MXRA8: variants seen among roughly 807,000 people sequenced by gnomAD.
MXRA8 encodes matrix remodeling-associated protein 8.
In MXRA8, 44 loss-of-function variants were observed where a neutral mutation model predicts 51.4. The observed-to-expected ratio is 0.86, with a 90% CI of 0.67 to 1.10. The LOEUF (loss-of-function observed/expected upper bound fraction) is 1.10, where lower values mean the gene tolerates loss of function less well. MXRA8 is among the 50% of genes least tolerant of loss of function. The pLI is 0.00. For missense variants in MXRA8, 765 were observed against 638.9 expected (o/e 1.20, Z -2.13); for synonymous variants, 369 against 293.5 (o/e 1.26, Z -2.63).
At chr1:1,361,009 G>A (rs982443527), upstream of MXRA8, among the ~76,000 whole-genome samples, 2 of 149,688 alleles carry the variant, frequency 1.3e-5, no homozygotes, top group African/African-American at 5.0e-5. Context: ...CACACGCGAA[G>A]ACACAGACAC....
At chr1:1,360,935 CAG>C (rs1433889854), upstream of MXRA8, among the ~76,000 whole-genome samples, 5 of 151,928 alleles carry the variant, frequency 3.3e-5, no homozygotes, top group Non-Finnish European at 7.4e-5. Flanking sequence ...CATGGAGACA[CAG>C]ACACGCATGC....
chr1:1,354,438 G>T lies in MXRA8; in HGVS notation c.1021C>A (p.Gln341Lys), dbSNP rs147789434. 18 of 1,612,376 alleles carry T rather than the reference G, an allele frequency of 1.1e-5. No homozygotes were observed. The African/African-American group carries it at 2.3e-4, about 20-fold the overall frequency. ...VPESRAHFFQ[Q>K]LGYVLATLLL... ...AGCGTGGCCAGCACGTAGCCCAGCT[G>T]CTGGAAGAAGTGGGCTCGGCTCTCG... Residue 341 changes from glutamine (Q) to lysine (K), a missense_variant, in exon 6 of 10, where the codon CAG (glutamine) becomes AAG (lysine). Coordinates refer to ENST00000309212, the MANE Select transcript of MXRA8 (RefSeq NM_032348.4).
In MXRA8 at chr1:1,355,702, C is replaced by G. The variant is rs948290437; in HGVS notation, c.124G>C (p.Val42Leu). 3.0e-6 allele frequency: 4 copies of G among 1,337,942 alleles called. No homozygotes were observed. The African/African-American group carries it at 4.6e-5, about 15-fold the overall frequency. 82.9% of individuals were successfully genotyped at this position (1,337,942 alleles called of 1,614,324 possible). A position where few individuals can be genotyped will look rare whatever the true frequency, so the allele number is the denominator to read the frequency against. The change falls in exon 3 of 10, where the codon GTG becomes CTG. Residue 42 changes from valine (V) to leucine (L), a missense_variant. Transcript: ENST00000309212. ...GCCCGGGCGCCCGCCTCCCAGCTCA[C>G]CGCGGACTCGGACACCACGGAGCTG... ...AGSSVVSESA[V>L]SWEAGARAVL...
rs781091097 is a variant in MXRA8 at position 1,353,838 on chromosome 1, C to T, written c.1303+10G>A. ...CTCTGAGATGGGCTGAGGTCGCCCCCGCCGCTCACCTTTGTCTAGGTCGAT... is the reference window on the plus strand; with the variant it reads ...CTCTGAGATGGGCTGAGGTCGCCCCTGCCGCTCACCTTTGTCTAGGTCGAT... On this transcript the variant is annotated intron_variant, in intron 9 of 9. Coordinates refer to ENST00000309212, the MANE Select transcript of MXRA8 (RefSeq NM_032348.4). 8 of 1,569,512 alleles carry T rather than the reference C, an allele frequency of 5.1e-6. No individual in the cohort carries two copies. The highest frequency in any genetic ancestry group is 6.9e-6 in the Non-Finnish European group (8 of 1,156,686).
Position 1,354,758 on chromosome 1 carries a change from G to T in MXRA8, c.873C>A (p.Val291=). The T allele has an allele frequency of 6.2e-7, 1 of 1,611,370 alleles. No individual in the cohort carries two copies. ...GGGGCGGCTCCGCGTGGGGTTCGGCGACCGTCAGGTGGAAGACGCGGCGTT... is the reference window on the plus strand; with the variant it reads ...GGGGCGGCTCCGCGTGGGGTTCGGCTACCGTCAGGTGGAAGACGCGGCGTT... ...LHERRVFHLT[V]AEPHAEPPPR... The change falls in exon 5 of 10, where the codon GTC becomes GTA. Residue 291 remains valine, a synonymous_variant. Transcript: ENST00000309212.
In MXRA8 at chr1:1,355,072, C is replaced by G; in HGVS notation, c.559G>C (p.Val187Leu). ...ARGAPALLTC[V>L]NRGHVWTDRH... ...TCGGTCCACACGTGCCCGCGGTTCACGCAGGTCAGAAGCGCGGGTGCGCCG... is the reference window on the plus strand; with the variant it reads ...TCGGTCCACACGTGCCCGCGGTTCAGGCAGGTCAGAAGCGCGGGTGCGCCG... Residue 187 changes from valine to leucine, a missense_variant, in exon 5 of 10, where the codon GTG (valine) becomes CTG (leucine). Physicochemically the swap from Val to Leu is conservative, Grantham distance 32 (BLOSUM62 1). Coordinates refer to ENST00000309212, the MANE Select transcript of MXRA8 (RefSeq NM_032348.4). 1 of 1,600,392 alleles carries G rather than the reference C, an allele frequency of 6.2e-7. No individual in the cohort carries two copies. The highest frequency in any genetic ancestry group is 1.1e-5 in the South Asian group (1 of 89,844).
chr1:1,359,818 C>T (rs1317325819), upstream of MXRA8, among the ~76,000 whole-genome samples: 1 of 152,230 alleles, frequency 6.6e-6, no homozygotes, highest in Admixed American at 6.5e-5. Context: ...TCCCGCCACC[C>T]CCACTCCCTC....
chr1:1,353,737 A>G, intron 9 of MXRA8, 108 bp from the exon 10 acceptor site: 1 of 1,464,200 alleles, frequency 6.8e-7, no homozygotes, highest in Non-Finnish European at 9.2e-7. Context: ...TCTGAGCCTG[A>G]GGTGGCAGGG....
rs575471854 is a variant in MXRA8, at chr1:1,358,323, C to T, written c.49+133G>A. ...GGCAAGCGGCTCTCCCGAGCGCCCC[C>T]AGACCCGTCCTCTTCCCTGGTGGGA... On this transcript the variant is annotated intron_variant, in intron 1 of 9. Coordinates refer to ENST00000309212, the MANE Select transcript of MXRA8 (RefSeq NM_032348.4). 1.2e-4 allele frequency: 126 copies of T among 1,054,054 alleles called. 1 individual carries two copies. In the South Asian group the frequency reaches 1.4e-3, roughly 12 times the overall value. 65.3% of individuals were successfully genotyped at this position (1,054,054 alleles called of 1,614,324 possible).
At chr1:1,355,217 G>A in intron 4 of MXRA8, 27 bp downstream of exon 4, 2 of 1,478,588 alleles carry the variant, frequency 1.4e-6, no homozygotes, top group Non-Finnish European at 1.8e-6. Context: ...AGGGGCGGGA[G>A]CTGGGGGGCG....
chr1:1,354,158 C>T, intron 7 of MXRA8, 35 bp downstream of exon 7: 1 of 1,612,798 alleles, frequency 6.2e-7, no homozygotes, highest in Non-Finnish European at 8.5e-7. Context: ...GAAGGGGGCC[C>T]TGGTCCCCAG....
intron 5 of MXRA8, 81 bp from the exon 6 acceptor site, chr1:1,354,590 T>C (rs919124125): frequency 2.5e-5 from 39 of 1,557,744 alleles, no homozygotes; most frequent in Non-Finnish European, 3.3e-5. Context: ...CCCGCTGGGA[T>C]CCGCGGGCCT....
At chr1:1,354,297 C>T (rs1198087802) in intron 6 of MXRA8, 57 bp downstream of exon 6, 2 of 1,598,098 alleles carry the variant, frequency 1.3e-6, no homozygotes, top group African/African-American at 2.7e-5. Flanking sequence ...CCCAGAGGAC[C>T]ACCCTCCCGC....
In MXRA8 at chr1:1,354,561, C is replaced by T. The variant is rs1185677079; in HGVS notation, c.950-52G>A. On this transcript the variant is annotated intron_variant, in intron 5 of 9. Coordinates refer to ENST00000309212, the MANE Select transcript of MXRA8 (RefSeq NM_032348.4). ...CGTCAGGTACCAGCAAGACCTGCGC[C>T]CCGACCCGGGCCACGGCCCCCGCTG... is the stretch of plus-strand genomic sequence containing the variant. 7 of 1,584,218 alleles carry T rather than the reference C, an allele frequency of 4.4e-6. No individual in the cohort carries two copies. The South Asian group carries it at 6.8e-5, about 15-fold the overall frequency.
At chr1:1,359,461 T>A (rs568285448), upstream of MXRA8, 1 of 985,452 alleles carries the variant, frequency 1.0e-6, no homozygotes, top group African/African-American at 1.7e-5. Context: ...AAAAACAATC[T>A]GAACAACCAC....
upstream of MXRA8, among the ~76,000 whole-genome samples, chr1:1,363,438 CTTTTT>C (rs71490532): frequency 6.9e-6 from 1 of 144,438 alleles, no homozygotes; most frequent in African/African-American, 2.6e-5. Context: ...TCAGTTTTTT[CTTTTT>C]TTTTTTTTGA....
chr1:1,358,296 C>T (rs1644172693), intron 1 of MXRA8, among the ~76,000 whole-genome samples, 160 bp downstream of exon 1: 2 of 152,234 alleles, frequency 1.3e-5, no homozygotes. Flanking sequence ...GTCACAGCCT[C>T]TGGCAAGCGG....
intron 8 of MXRA8, 26 bp downstream of exon 8, chr1:1,354,004 G>A: frequency 6.2e-7 from 1 of 1,611,802 alleles, no homozygotes; most frequent in Non-Finnish European, 8.5e-7. Context: ...CCGCGCCTGT[G>A]CCCTCGTGTC....
At position 1,353,623 on chromosome 1, in the gene MXRA8, C is replaced by G; in HGVS notation, c.1310G>C (p.Arg437Pro). 6.4e-7 allele frequency: 1 copy of G among 1,563,692 alleles called. No individual in the cohort carries two copies. ...GCCTCCCTATTTGCAGTTCTCCTTC[C>G]GGAACCCTGGAAGCCAAGGGCGCCA... is the stretch of plus-strand genomic sequence containing the variant. ...AKYIDLDKGF[R>P]KENCK The change falls in exon 10 of 10, where the codon CGG becomes CCG. Residue 437 changes from arginine to proline, a missense_variant. Physicochemically the swap from Arg to Pro is moderately radical, Grantham distance 103. Transcript: ENST00000309212.
Sources: allele counts gnomAD v4.1 joint callset (sites outside exome capture counted in the v4.1 genomes callset), GRCh38; gene constraint gnomAD v4.1.1; transcripts MANE v1.5; gene names NCBI Gene and HGNC (gene_info 2026-07-23, HGNC 2026-07-21).